The following DISC1 variants were observed in gnomAD, a reference collection of about 807,000 sequenced individuals.
The protein encoded by DISC1 is disrupted in schizophrenia 1 protein.
A neutral mutation model predicts 84.5 loss-of-function variants in DISC1; 57 were observed. The observed-to-expected ratio is 0.67, with a 90% CI of 0.55 to 0.84. The LOEUF (loss-of-function observed/expected upper bound fraction) is 0.84. DISC1 is among the 40% of genes least tolerant of loss of function. The pLI, the probability that DISC1 is intolerant of heterozygous loss-of-function variation, is 0.00. For missense variants in DISC1, 1,000 were observed against 1,057.8 expected (o/e 0.95, Z 0.76); for synonymous variants, 411 against 415.2 (o/e 0.99, Z 0.12).
intron 9 of DISC1, among the ~76,000 whole-genome samples, chr1:231,833,492 A>T (rs1433808950): frequency 2.0e-5 from 3 of 151,746 alleles, no homozygotes; most frequent in South Asian, 4.1e-4. Flanking sequence ...AGCTGAGAAG[A>T]TCTGGGAAGG....
chr1:231,719,036 G>T (rs1487613884), intron 3 of DISC1, among the ~76,000 whole-genome samples: 1 of 152,126 alleles, frequency 6.6e-6, no homozygotes, highest in Non-Finnish European at 1.5e-5. Context: ...GAGGCTGGAG[G>T]ATTGTTTAAG....
At chr1:231,689,735 T>G (rs1216133941) in intron 1 of DISC1, among the ~76,000 whole-genome samples, 1 of 152,240 alleles carries the variant, frequency 6.6e-6, no homozygotes, top group East Asian at 1.9e-4. Context: ...TCTGATATAC[T>G]GTAAACTAGG....
chr1:231,974,558 A>T (rs1662514664), intron 10 of DISC1, among the ~76,000 whole-genome samples: 1 of 152,204 alleles, frequency 6.6e-6, no homozygotes, highest in South Asian at 2.1e-4. Context: ...ACTTTAGTGG[A>T]TGCTTCCGTT....
intron 8 of DISC1, among the ~76,000 whole-genome samples, chr1:231,804,621 C>G (rs1266325506): frequency 6.6e-6 from 1 of 152,086 alleles, no homozygotes; most frequent in Non-Finnish European, 1.5e-5. Context: ...GGCTCAATGT[C>G]TCTTCTTTTT....
intron 10 of DISC1, among the ~76,000 whole-genome samples, chr1:231,993,859 T>C (rs797018047): frequency 1.3e-5 from 2 of 152,366 alleles, no homozygotes; most frequent in African/African-American, 4.8e-5. Flanking sequence ...TAATTATCAA[T>C]TTAATTATTG....
chr1:231,711,595 C>G (rs1416594010), intron 3 of DISC1, among the ~76,000 whole-genome samples: 1 of 151,602 alleles, frequency 6.6e-6, no homozygotes, highest in African/African-American at 2.4e-5. Context: ...GTCTCAATCT[C>G]CTGACCTCGT....
At chr1:232,014,050 G>GAA (rs1668263679) in intron 11 of DISC1, among the ~76,000 whole-genome samples, 1 of 152,092 alleles carries the variant, frequency 6.6e-6, no homozygotes, top group South Asian at 2.1e-4. Context: ...CATACTGTGA[G>GAA]CCACAACATA....
At chr1:231,777,555 A>C (rs2077047287) in intron 6 of DISC1, among the ~76,000 whole-genome samples, 1 of 152,124 alleles carries the variant, frequency 6.6e-6, no homozygotes, top group Non-Finnish European at 1.5e-5. Context: ...TGCTTTTCTC[A>C]GGAATTCATG....
At chr1:231,759,508 G>A (rs968072851) in intron 4 of DISC1, among the ~76,000 whole-genome samples, 1 of 109,758 alleles carries the variant, frequency 9.1e-6, no homozygotes, top group Non-Finnish European at 1.7e-5. Flanking sequence ...GGGCAACATA[G>A]TGAGACCCCC....
intron 8 of DISC1, among the ~76,000 whole-genome samples, chr1:231,813,025 A>G (rs2080468770): frequency 6.6e-6 from 1 of 152,114 alleles, no homozygotes; most frequent in Non-Finnish European, 1.5e-5. Context: ...CCCAAGCCTT[A>G]TCCCTCAGGA....
intron 9 of DISC1, among the ~76,000 whole-genome samples, chr1:231,874,725 C>T (rs986880000): frequency 6.6e-6 from 1 of 151,738 alleles, no homozygotes; most frequent in Admixed American, 6.6e-5. Flanking sequence ...TCCTGGTTAA[C>T]ATGGTGAAAC....
chr1:232,028,013 A>G (rs1669637039), intron 12 of DISC1, among the ~76,000 whole-genome samples: 1 of 152,218 alleles, frequency 6.6e-6, no homozygotes, highest in South Asian at 2.1e-4. Context: ...TGCTTTAGGT[A>G]GATTTTGAAA....
chr1:231,896,922 G>T (rs1186006615), intron 9 of DISC1, among the ~76,000 whole-genome samples: 2 of 152,168 alleles, frequency 1.3e-5, no homozygotes, highest in African/African-American at 4.8e-5. Flanking sequence ...CAAGGTGACT[G>T]GCCTCATGTC....
intron 6 of DISC1, among the ~76,000 whole-genome samples, chr1:231,782,361 C>T (rs1376519300): frequency 3.3e-5 from 5 of 152,068 alleles, no homozygotes; most frequent in Admixed American, 6.5e-5. Flanking sequence ...GAAATGAAAT[C>T]GACAATATTC....
intron 9 of DISC1, among the ~76,000 whole-genome samples, chr1:231,819,614 G>A (rs1558605990): frequency 6.6e-6 from 1 of 152,004 alleles, no homozygotes. Flanking sequence ...TGCCGTATAT[G>A]TAACTAGAGA....
chr1:231,730,512 T>C (rs2071379161), intron 3 of DISC1, among the ~76,000 whole-genome samples: 1 of 152,232 alleles, frequency 6.6e-6, no homozygotes, highest in Admixed American at 6.5e-5. Context: ...TTTGGGCTTC[T>C]ATTGATCCTG....
chr1:231,830,183 G>A (rs1398654794), intron 9 of DISC1, among the ~76,000 whole-genome samples: 1 of 152,116 alleles, frequency 6.6e-6, no homozygotes. Flanking sequence ...GATAATGGGC[G>A]ATGTTTCTCA....
intron 3 of DISC1, among the ~76,000 whole-genome samples, chr1:231,722,043 C>G (rs2069825917): frequency 6.6e-6 from 1 of 151,520 alleles, no homozygotes; most frequent in Non-Finnish European, 1.5e-5. Context: ...ATCCCGGCTA[C>G]TCGGGAGGCT....
chr1:232,004,810 C>T (rs955145953), intron 10 of DISC1, among the ~76,000 whole-genome samples: 4 of 152,018 alleles, frequency 2.6e-5, no homozygotes, highest in Non-Finnish European at 4.4e-5. Flanking sequence ...TCCAGTGCAT[C>T]GCTCAGAAAA....
Sources: allele counts gnomAD v4.1 joint callset (sites outside exome capture counted in the v4.1 genomes callset), GRCh38; gene constraint gnomAD v4.1.1; transcripts MANE v1.5; gene names NCBI Gene and HGNC (gene_info 2026-07-23, HGNC 2026-07-21).